ALG14: variants seen among roughly 807,000 people sequenced by gnomAD.
The protein encoded by ALG14 is UDP-N-acetylglucosamine transferase subunit ALG14.
A neutral mutation model predicts 22.8 loss-of-function variants in ALG14; 17 were observed. That is an observed-to-expected ratio of 0.75 (90% CI 0.51 to 1.12). ALG14 has a LOEUF of 1.12. Among genes scored for constraint, ALG14 ranks in the 50% most tolerant of loss-of-function variants. The pLI, the probability that ALG14 is intolerant of heterozygous loss-of-function variation, is 0.00. For synonymous variants in ALG14, 89 were observed against 103.7 expected (o/e 0.86, Z 0.86); for missense variants, 288 against 271.8 (o/e 1.06, Z -0.42).
At chr1:95,060,716 A>T (rs1361827983) in intron 2 of ALG14, among the ~76,000 whole-genome samples, 1 of 151,512 alleles carries the variant, frequency 6.6e-6, no homozygotes, top group Non-Finnish European at 1.5e-5. Context: ...ACTCTGTTTA[A>T]AAAAAAAACA....
intron 1 of ALG14, among the ~76,000 whole-genome samples, chr1:95,069,964 G>A (rs1675507107): frequency 6.6e-6 from 1 of 152,270 alleles, no homozygotes; most frequent in Non-Finnish European, 1.5e-5. Flanking sequence ...CCAGCGCTTT[G>A]GAAGGCAGGA....
intron 3 of ALG14, among the ~76,000 whole-genome samples, chr1:95,022,922 G>C (rs1400379341): frequency 6.6e-6 from 1 of 152,066 alleles, no homozygotes; most frequent in Non-Finnish European, 1.5e-5. Flanking sequence ...TTCCTGTAAG[G>C]GTTCTGGCAT....
intron 2 of ALG14, among the ~76,000 whole-genome samples, chr1:95,055,394 AATGTCACTAAAAGAT>A (rs1461815127): frequency 7.2e-5 from 11 of 152,180 alleles, no homozygotes; most frequent in Non-Finnish European, 1.6e-4. Context: ...CAACACGGAA[AATGTCACTAAAAGAT>A]ATATTACTTC....
Position 94,982,947 on chromosome 1 carries a change from A to T in ALG14, c.*129T>A, listed in dbSNP as rs1177696695. 1 of 719,806 alleles carries T rather than the reference A, an allele frequency of 1.4e-6. No homozygotes were observed. The highest frequency in any genetic ancestry group is 1.8e-5 in the African/African-American group (1 of 55,772). The allele number at this position is 719,806 out of a possible 1,614,324, so 44.6% of individuals were successfully genotyped here. The stretch of plus-strand genomic sequence containing the variant: ...TCACTGAGTCATCTGTACATTTTTT[A>T]TTCCTTACCATCAATAATTCTCAGG... On this transcript the variant is annotated 3_prime_UTR_variant, in exon 4 of 4. Coordinates refer to ENST00000370205, the MANE Select transcript of ALG14 (RefSeq NM_144988.4).
At chr1:95,037,469 C>T (rs1199658800) in intron 2 of ALG14, among the ~76,000 whole-genome samples, 1 of 152,168 alleles carries the variant, frequency 6.6e-6, no homozygotes, top group Admixed American at 6.5e-5. Context: ...GGAGGTGCTA[C>T]AGGTTTTTGT....
chr1:95,067,045 A>G (rs1675396787), intron 1 of ALG14: 1 of 152,070 alleles, frequency 6.6e-6, no homozygotes, highest in African/African-American at 2.4e-5. Context: ...TTTTTTAAGG[A>G]AACCCTCATT....
Position 94,982,497 on chromosome 1 carries a change from T to C in ALG14, c.*579A>G, listed in dbSNP as rs1672519367. 1 of 152,488 alleles carries C rather than the reference T, an allele frequency of 6.6e-6. No homozygotes were observed. The highest frequency in any genetic ancestry group is 6.6e-5 in the Admixed American group (1 of 15,262). 9.4% of individuals were successfully genotyped at this position (152,488 alleles called of 1,614,324 possible). ...AAAAGCAAGACTGAAGTACAAAAAA[T>C]GATACTGGTTTATGCTCAAGGTTCT... On this transcript the variant is annotated 3_prime_UTR_variant, in exon 4 of 4. Coordinates refer to ENST00000370205, the MANE Select transcript of ALG14 (RefSeq NM_144988.4).
chr1:95,044,538 C>T (rs1674482940), intron 2 of ALG14, among the ~76,000 whole-genome samples: 1 of 152,128 alleles, frequency 6.6e-6, no homozygotes, highest in Admixed American at 6.6e-5. Context: ...TATGGCTTTT[C>T]CAGAGACTTT....
intron 2 of ALG14, among the ~76,000 whole-genome samples, chr1:95,050,802 G>A (rs1674719257): frequency 6.6e-6 from 1 of 151,306 alleles, no homozygotes; most frequent in Admixed American, 6.6e-5. Context: ...TTTATTAATA[G>A]AAGGCCCTAA....
At chr1:95,043,692 T>C (rs1244535617) in intron 2 of ALG14, among the ~76,000 whole-genome samples, 2 of 151,580 alleles carry the variant, frequency 1.3e-5, no homozygotes, top group Non-Finnish European at 2.9e-5. Context: ...TTTCTGAAGC[T>C]TCAAGGACCT....
At chr1:95,071,032 C>T (rs973761066) in intron 1 of ALG14, among the ~76,000 whole-genome samples, 3 of 152,186 alleles carry the variant, frequency 2.0e-5, no homozygotes, top group African/African-American at 4.8e-5. Context: ...TGAACCATCA[C>T]GCCCGGCCTA....
At chr1:95,062,429 T>C (rs112788658) in intron 2 of ALG14, among the ~76,000 whole-genome samples, 50 of 152,272 alleles carry the variant, frequency 3.3e-4, no homozygotes, top group African/African-American at 1.1e-3. Flanking sequence ...CTAACTATTC[T>C]TCCTGATGCT....
intron 2 of ALG14, among the ~76,000 whole-genome samples, chr1:95,043,076 A>T (rs988252580): frequency 2.0e-5 from 3 of 152,008 alleles, no homozygotes; most frequent in African/African-American, 4.8e-5. Flanking sequence ...TTAGTTTTTT[A>T]AAAAATAGGT....
chr1:95,048,290 T>C (rs1674626098), intron 2 of ALG14, among the ~76,000 whole-genome samples: 1 of 152,222 alleles, frequency 6.6e-6, no homozygotes, highest in African/African-American at 2.4e-5. Flanking sequence ...GCAACTTCTA[T>C]TGTTGTTTTA....
chr1:95,040,381 T>C (rs1047981521), intron 2 of ALG14, among the ~76,000 whole-genome samples: 1 of 152,092 alleles, frequency 6.6e-6, no homozygotes, highest in African/African-American at 2.4e-5. Flanking sequence ...CTACCAGGTA[T>C]TTGAAGGACA....
chr1:95,046,544 T>C (rs977512107), intron 2 of ALG14, among the ~76,000 whole-genome samples: 6 of 152,168 alleles, frequency 3.9e-5, no homozygotes, highest in Non-Finnish European at 7.3e-5. Context: ...GCCAAAAAGG[T>C]TGAGGACTGC....
chr1:95,064,949 CATA>C lies in ALG14; in HGVS notation c.202_204del (p.Tyr68del). The C allele has an allele frequency of 6.2e-7, 1 of 1,613,938 alleles. No individual in the cohort carries two copies. Among genetic ancestry groups the C allele is most frequent in the Non-Finnish European group, 8.5e-7 (1 of 1,179,906 alleles). On this transcript the variant is annotated inframe_deletion, in exon 2 of 4. Transcript: ENST00000370205. ...CTCATTTCATCAGTGTCAGCAATGA[CATA>C]ATGTCTAGGTGAGTAGGCATTGGAC...
rs1553222994 is a variant in ALG14 at position 94,979,310 on chromosome 1, A to AAAAAAAAAAAAG, written c.*3765_*3766insCTTTTTTTTTTT. 1 of 89,840 alleles carries AAAAAAAAAAAAG rather than the reference A, an allele frequency of 1.1e-5. No individual in the cohort carries two copies. The highest frequency in any genetic ancestry group is 5.3e-5 in the African/African-American group (1 of 18,746). The allele number at this position is 89,840 out of a possible 1,614,324, so 5.6% of individuals were successfully genotyped here. On this transcript the variant is annotated 3_prime_UTR_variant, in exon 4 of 4. Coordinates refer to ENST00000370205, the MANE Select transcript of ALG14 (RefSeq NM_144988.4). The stretch of plus-strand genomic sequence containing the variant: ...GTCTCGAAAAAAAAAAAAAAAAAAA[A>AAAAAAAAAAAAG]AAAAGAAAGAAAAAAGTGAAACAAG...
intron 3 of ALG14, among the ~76,000 whole-genome samples, chr1:94,991,873 C>A (rs1051659183): frequency 2.6e-5 from 4 of 151,552 alleles, no homozygotes; most frequent in African/African-American, 9.7e-5. Context: ...AACTTTTAAG[C>A]CTTTTTGTTA....
Sources: allele counts gnomAD v4.1 joint callset (sites outside exome capture counted in the v4.1 genomes callset), GRCh38; gene constraint gnomAD v4.1.1; transcripts MANE v1.5; gene names NCBI Gene and HGNC (gene_info 2026-07-23, HGNC 2026-07-21).